The following TRPM4 variants were observed in gnomAD, a reference collection of about 807,000 sequenced individuals.
TRPM4 encodes transient receptor potential cation channel subfamily M member 4.
In TRPM4, 124 loss-of-function variants were observed where a neutral mutation model predicts 135.6. That is an observed-to-expected ratio of 0.91 (90% CI 0.79 to 1.06). The LOEUF (loss-of-function observed/expected upper bound fraction) is 1.06, where lower values mean the gene tolerates loss of function less well. Ranked by LOEUF, TRPM4 falls within the 50% of genes least tolerant of loss-of-function variation. The probability of loss-of-function intolerance (pLI) is 0.00; values close to 1 mark genes in which losing one functional copy is unlikely to be tolerated. For missense variants in TRPM4, 1,658 were observed against 1,671.4 expected, an observed-to-expected ratio of 0.99 and a Z score of 0.14; for synonymous variants, 745 against 705.6, an observed-to-expected ratio of 1.06 and a Z score of -0.88.
intron 16 of TRPM4, among the ~76,000 whole-genome samples, chr19:49,195,502 C>G (rs1968596162): frequency 6.6e-6 from 1 of 152,038 alleles, no homozygotes; most frequent in Non-Finnish European, 1.5e-5. Context: ...TGTCAAGTAG[C>G]TGGGATTACA....
intron 19 of TRPM4, among the ~76,000 whole-genome samples, chr19:49,201,595 G>A (rs1019910361): frequency 2.0e-5 from 3 of 152,168 alleles, no homozygotes; most frequent in South Asian, 2.1e-4. Context: ...TCTTTGAAGA[G>A]GAACCTGTAC....
intron 9 of TRPM4, among the ~76,000 whole-genome samples, chr19:49,180,747 CTGAT>C (rs1419664141): frequency 6.6e-6 from 1 of 152,030 alleles, no homozygotes; most frequent in African/African-American, 2.4e-5. Flanking sequence ...CCATCCATCT[CTGAT>C]TGTCCGTCTG....
At chr19:49,162,253 T>A (rs1215838004) in intron 2 of TRPM4, among the ~76,000 whole-genome samples, 2 of 151,930 alleles carry the variant, frequency 1.3e-5, no homozygotes, top group African/African-American at 4.8e-5. Flanking sequence ...CAAGAACAAT[T>A]TCAGGCCAGG....
intron 2 of TRPM4, chr19:49,158,707 G>A (rs1363474929): frequency 1.1e-5 from 2 of 183,834 alleles, no homozygotes; most frequent in African/African-American, 4.8e-5. Context: ...AATTTCCCCT[G>A]GGACACGTGC....
chr19:49,161,556 G>T (rs1188285095), intron 2 of TRPM4, among the ~76,000 whole-genome samples: 1 of 151,166 alleles, frequency 6.6e-6, no homozygotes, highest in African/African-American at 2.4e-5. Context: ...CCAACTCCTG[G>T]ACTCAAGTGA....
rs764485956 is a variant in TRPM4, at chr19:49,210,688, T to C, written c.3329-22T>C. ...TGGGAAGGGGCGTGGCCTGAGCCCT[T>C]TGACTCCGCCCGCCCCTGCAGGGGT... On this transcript the variant is annotated intron_variant, in intron 21 of 24. Transcript: ENST00000252826. The surrounding 1 kb of genome is among the most constrained non-coding windows in gnomAD (Gnocchi z 4.1). 1 of 1,613,680 alleles carries C rather than the reference T, an allele frequency of 6.2e-7. No individual in the cohort carries two copies. The highest frequency in any genetic ancestry group is 1.7e-5 in the Admixed American group (1 of 59,982).
At chr19:49,174,735 C>T (rs1156381866) in intron 9 of TRPM4, among the ~76,000 whole-genome samples, 1 of 136,764 alleles carries the variant, frequency 7.3e-6, no homozygotes, top group Non-Finnish European at 1.5e-5. Flanking sequence ...TAGGGCAAGA[C>T]TCTGTCTCAA....
chr19:49,196,742 G>C lies in TRPM4; in HGVS notation c.2513G>C (p.Gly838Ala). Residue 838 changes from glycine (G) to alanine (A), a missense_variant, in exon 17 of 25, where the codon GGC becomes GCC. This residue lies in a region of TRPM4 where 1,412 missense variants were observed against 1,408.7 expected (regional missense o/e 1.00). Coordinates refer to ENST00000252826, the MANE Select transcript of TRPM4 (RefSeq NM_017636.4). Reference protein sequence around the residue: ...ELRQGLSGGGGSLASGGPGPG... With the variant: ...ELRQGLSGGGASLASGGPGPG... ...CGCCAGGGCCTGAGCGGAGGCGGGG[G>C]CAGCCTCGCCAGCGGGGGCCCCGGG... is the stretch of plus-strand genomic sequence containing the variant. 3 of 1,549,884 alleles carry C rather than the reference G, an allele frequency of 1.9e-6. No homozygotes were observed. Among genetic ancestry groups the C allele is most frequent in the Middle Eastern group, 1.7e-4 (1 of 5,962 alleles).
intron 20 of TRPM4, among the ~76,000 whole-genome samples, chr19:49,202,981 C>T (rs1049487138): frequency 1.3e-5 from 2 of 150,918 alleles, no homozygotes; most frequent in Non-Finnish European, 2.9e-5. Flanking sequence ...AGCTCCGCCA[C>T]CCGGGTTCAC....
At chr19:49,184,714 C>T (rs944054050) in intron 12 of TRPM4, among the ~76,000 whole-genome samples, 5 of 151,360 alleles carry the variant, frequency 3.3e-5, no homozygotes, top group Admixed American at 6.6e-5. Context: ...CTCCTGACCT[C>T]GTGATCTGCC....
intron 12 of TRPM4, among the ~76,000 whole-genome samples, chr19:49,186,469 A>G (rs1221527184): frequency 6.6e-6 from 1 of 152,124 alleles, no homozygotes; most frequent in Non-Finnish European, 1.5e-5. Flanking sequence ...ATTCCCTCCA[A>G]GTATTTCCTT....
chr19:49,166,197 C>G lies in TRPM4; in HGVS notation c.249C>G (p.Ala83=), dbSNP rs142270489. The G allele has an allele frequency of 2.3e-5, 37 of 1,606,096 alleles. No individual in the cohort carries two copies. Among genetic ancestry groups the G allele is most frequent in the Non-Finnish European group, 2.9e-5 (34 of 1,177,388 alleles). The change falls in exon 3 of 25, where the codon GCC becomes GCG. Residue 83 remains alanine (A), a synonymous_variant. Transcript: ENST00000252826. ...DAYGELDFTG[A]GRKHSNFLRL... is the part of the protein sequence containing the mutation. ...ACGGAGAGCTGGACTTCACGGGGGC[C>G]GGCCGCAAGCACAGCAATGTGAGGC...
chr19:49,197,009 CT>C, intron 17 of TRPM4, 135 bp downstream of exon 17: 1 of 860,328 alleles, frequency 1.2e-6, no homozygotes, highest in Non-Finnish European at 1.7e-6. Flanking sequence ...GAGAACCCCT[CT>C]TAGGAAAGTC....
chr19:49,160,889 AGGCAGAGCTTGG>A (rs1712269169), intron 2 of TRPM4, among the ~76,000 whole-genome samples: 1 of 151,804 alleles, frequency 6.6e-6, no homozygotes, highest in African/African-American at 2.4e-5. Flanking sequence ...GGGGGCAGGA[AGGCAGAGCTTGG>A]GGCTTGATGA....
chr19:49,163,453 C>T (rs1361088771), intron 2 of TRPM4, among the ~76,000 whole-genome samples: 1 of 151,792 alleles, frequency 6.6e-6, no homozygotes, highest in Non-Finnish European at 1.5e-5. Context: ...CTTGGCCTCC[C>T]AAAGTGCTGG....
chr19:49,173,951 T>A (rs148782242), intron 9 of TRPM4, among the ~76,000 whole-genome samples: 3 of 152,118 alleles, frequency 2.0e-5, no homozygotes, highest in African/African-American at 7.2e-5. Flanking sequence ...ATTACAGGCA[T>A]GAGCCACCAT....
chr19:49,194,007 T>TTCCTCCTCCTCA (rs1206763673), intron 16 of TRPM4, among the ~76,000 whole-genome samples: 1 of 130,840 alleles, frequency 7.6e-6, no homozygotes, highest in Admixed American at 7.5e-5. Flanking sequence ...CCTCTTTCTC[T>TTCCTCCTCCTCA]TCCTCCTCCT....
chr19:49,196,659 C>G lies in TRPM4; in HGVS notation c.2430C>G (p.Pro810=), dbSNP rs1383007070. Residue 810 remains proline, a synonymous_variant, in exon 17 of 25, where the codon CCC becomes CCG. Transcript: ENST00000252826. ...VLLVDFQPAP[P]GSLELLLYFW... Reference sequence around the variant, plus strand: ...TCGTGGATTTCCAGCCGGCGCCGCCCGGCTCCCTGGAGCTGCTGCTCTATT... The same window carrying G: ...TCGTGGATTTCCAGCCGGCGCCGCCGGGCTCCCTGGAGCTGCTGCTCTATT... The G allele has an allele frequency of 2.6e-6, 4 of 1,546,562 alleles. No individual in the cohort carries two copies. Among genetic ancestry groups the G allele is most frequent in the Non-Finnish European group, 3.5e-6 (4 of 1,150,038 alleles).
intron 20 of TRPM4, among the ~76,000 whole-genome samples, chr19:49,203,266 A>G (rs946062885): frequency 3.1e-4 from 46 of 148,186 alleles, no homozygotes; most frequent in Non-Finnish European, 5.4e-4. Context: ...TGCAACCTCC[A>G]CCTCCCAGGT....
Sources: allele counts gnomAD v4.1 joint callset (sites outside exome capture counted in the v4.1 genomes callset), GRCh38; gene constraint gnomAD v4.1.1; regional missense constraint gnomAD v4.1.1; non-coding constraint Gnocchi (gnomAD v3.1); transcripts MANE v1.5; gene names NCBI Gene and HGNC (gene_info 2026-07-23, HGNC 2026-07-21).